Variants in SUMF1 observed in about 807,000 individuals in gnomAD.
The protein encoded by SUMF1 is formylglycine-generating enzyme.
In SUMF1, 48 loss-of-function variants were observed where a neutral mutation model predicts 47.6. The observed-to-expected ratio is 1.01, with a 90% CI of 0.80 to 1.28. The LOEUF (loss-of-function observed/expected upper bound fraction) is 1.28, where lower values mean the gene tolerates loss of function less well. Among genes scored for constraint, SUMF1 ranks in the 50% most tolerant of loss-of-function variants. SUMF1 has a pLI of 0.00. For synonymous variants in SUMF1, 230 were observed against 192.1 expected (o/e 1.20, Z -1.63); for missense variants, 571 against 485.4 (o/e 1.18, Z -1.66).
intron 8 of SUMF1, among the ~76,000 whole-genome samples, chr3:4,335,523 A>G (rs1392888924): frequency 6.6e-6 from 1 of 152,080 alleles, no homozygotes; most frequent in Admixed American, 6.5e-5. Flanking sequence ...AGTAAACTAA[A>G]CTCCCATAAA....
chr3:4,165,862 TCCCCC>T (rs3048242), intron 8 of SUMF1, among the ~76,000 whole-genome samples: 2 of 139,314 alleles, frequency 1.4e-5, no homozygotes, highest in South Asian at 2.4e-4. Flanking sequence ...TTTGTTTGTT[TCCCCC>T]CCCCCCCCGA....
chr3:4,430,366 T>A (rs1484950948), intron 3 of SUMF1, among the ~76,000 whole-genome samples: 1 of 152,188 alleles, frequency 6.6e-6, no homozygotes, highest in Non-Finnish European at 1.5e-5. Context: ...TAATTCTGGG[T>A]GCCAATTTTG....
At chr3:4,101,399 G>A (rs1304898773) in intron 8 of SUMF1, among the ~76,000 whole-genome samples, 2 of 152,058 alleles carry the variant, frequency 1.3e-5, no homozygotes, top group African/African-American at 4.8e-5. Context: ...GTCAGGCACA[G>A]AGACAAATAT....
chr3:4,138,953 G>A (rs975101460), intron 8 of SUMF1, among the ~76,000 whole-genome samples: 1 of 151,938 alleles, frequency 6.6e-6, no homozygotes, highest in Admixed American at 6.6e-5. Context: ...GACATAGTAT[G>A]GTAATGAGCA....
intron 8 of SUMF1, among the ~76,000 whole-genome samples, chr3:4,291,255 G>C (rs955322642): frequency 6.6e-6 from 1 of 152,086 alleles, no homozygotes. Context: ...GGTAGTCCCA[G>C]CTTAACAATA....
At chr3:4,234,803 C>G (rs549806109) in intron 8 of SUMF1, among the ~76,000 whole-genome samples, 1 of 152,168 alleles carries the variant, frequency 6.6e-6, no homozygotes, top group East Asian at 1.9e-4. Context: ...AAGAAAAAAG[C>G]CTACATGACA....
intron 9 of SUMF1, among the ~76,000 whole-genome samples, chr3:4,041,836 G>A (rs568227214): frequency 3.3e-5 from 5 of 152,178 alleles, no homozygotes; most frequent in East Asian, 3.9e-4. Flanking sequence ...TATGAAAACC[G>A]GCAGCACAGC....
intron 8 of SUMF1, among the ~76,000 whole-genome samples, chr3:4,132,109 G>T (rs932770371): frequency 6.6e-6 from 1 of 152,098 alleles, no homozygotes; most frequent in African/African-American, 2.4e-5. Context: ...AAAGGGCAGA[G>T]GTTTGTCCCC....
In SUMF1 at chr3:4,239,501, G is replaced by T. The variant is rs145607963; in HGVS notation, c.1014+136829C>A. 2.0e-3 allele frequency among the ~76,000 whole-genome samples: 302 copies of T among 152,254 alleles called. 1 individual carries two copies. The highest frequency in any genetic ancestry group is 7.0e-3 in the African/African-American group (289 of 41,546). On this transcript the variant is annotated intron_variant and NMD_transcript_variant, in intron 8 of 12. Coordinates refer to the SUMF1 transcript ENST00000448413. Reference sequence around the variant, plus strand: ...AGGAGGTCCTTCACATCCCTTGTAAGTTGGATTCCTAGATATTCTATTCTC... The same window carrying T: ...AGGAGGTCCTTCACATCCCTTGTAATTTGGATTCCTAGATATTCTATTCTC...
At chr3:4,349,686 G>A (rs957473404) in intron 8 of SUMF1, among the ~76,000 whole-genome samples, 8 of 152,198 alleles carry the variant, frequency 5.3e-5, no homozygotes, top group African/African-American at 9.6e-5. Context: ...CCTTTGCAGG[G>A]ACATGGATGA....
intron 1 of SUMF1, among the ~76,000 whole-genome samples, chr3:4,461,232 G>C (rs759971416): frequency 4.6e-5 from 7 of 152,082 alleles, no homozygotes; most frequent in Non-Finnish European, 8.8e-5. Flanking sequence ...TGTAGGTCAA[G>C]GACCGAACTA....
At chr3:4,366,990 CCT>C (rs1207207773) in intron 8 of SUMF1, among the ~76,000 whole-genome samples, 1 of 152,130 alleles carries the variant, frequency 6.6e-6, no homozygotes, top group Non-Finnish European at 1.5e-5. Flanking sequence ...CACTCCAGAC[CCT>C]GTTTGCCTGG....
intron 8 of SUMF1, among the ~76,000 whole-genome samples, chr3:4,144,184 C>T (rs1202157342): frequency 2.0e-5 from 3 of 151,850 alleles, no homozygotes; most frequent in African/African-American, 7.3e-5. Context: ...CCAGGCTGGT[C>T]TCAAACTCCT....
At chr3:4,248,016 G>A (rs1396619145) in intron 8 of SUMF1, among the ~76,000 whole-genome samples, 2 of 152,180 alleles carry the variant, frequency 1.3e-5, no homozygotes, top group African/African-American at 2.4e-5. Context: ...AAAATATTTT[G>A]TAAAATGCAA....
At chr3:4,419,248 C>T (rs1168435495) in intron 4 of SUMF1, among the ~76,000 whole-genome samples, 2 of 152,182 alleles carry the variant, frequency 1.3e-5, no homozygotes, top group Non-Finnish European at 2.9e-5. Flanking sequence ...GACTTTCCAC[C>T]TCGAAGCCTA....
intron 3 of SUMF1, among the ~76,000 whole-genome samples, chr3:4,439,779 C>G (rs1302096053): frequency 6.6e-6 from 1 of 151,114 alleles, no homozygotes; most frequent in East Asian, 1.9e-4. Flanking sequence ...TCAAACTGGT[C>G]TCAAACTCCT....
chr3:4,209,329 G>A (rs1284895987), intron 8 of SUMF1, among the ~76,000 whole-genome samples: 1 of 152,092 alleles, frequency 6.6e-6, no homozygotes, highest in African/African-American at 2.4e-5. Flanking sequence ...CAAACATCAT[G>A]GAGAACAAAA....
In SUMF1 at chr3:4,317,072, T is replaced by C. The variant is rs60258210; in HGVS notation, c.1014+59258A>G. On this transcript the variant is annotated intron_variant and NMD_transcript_variant, in intron 8 of 12. Transcript: ENST00000448413. ...TCTTGCCAACCAACTACCACGTCTT[T>C]AAGCATCTCAACAACTTTTTGCAGG... The C allele has an allele frequency of 3.8e-3, 5,939 of 1,549,210 alleles. 69 individuals are homozygous for C. Among genetic ancestry groups the C allele is most frequent in the African/African-American group, 0.037 (2,687 of 73,026 alleles).
chr3:4,454,882 G>A (rs1159796090), intron 1 of SUMF1, among the ~76,000 whole-genome samples: 1 of 152,184 alleles, frequency 6.6e-6, no homozygotes, highest in East Asian at 1.9e-4. Context: ...AATCCAAAGA[G>A]ACACAAAGTA....
Sources: gnomAD v4.1 joint callset for allele counts (sites outside exome capture counted in the v4.1 genomes callset) on GRCh38, gnomAD v4.1.1 for gene constraint, MANE v1.5 for transcripts, NCBI Gene and HGNC (gene_info 2026-07-23, HGNC 2026-07-21) for gene names.